The following PLB1 variants were observed in gnomAD, a reference collection of about 807,000 sequenced individuals.
PLB1 encodes phospholipase B1, membrane-associated.
In PLB1, 242 loss-of-function variants were observed where a neutral mutation model predicts 227.4. That is an observed-to-expected ratio of 1.06 (90% CI 0.96 to 1.18). The LOEUF (loss-of-function observed/expected upper bound fraction) is 1.18, where lower values mean the gene tolerates loss of function less well. Among genes scored for constraint, PLB1 ranks in the 50% most tolerant of loss-of-function variants. The probability of loss-of-function intolerance (pLI) is 0.00; values close to 1 mark genes in which losing one functional copy is unlikely to be tolerated. For missense variants in PLB1, 1,858 were observed against 1,816.3 expected (o/e 1.02, Z -0.42); for synonymous variants, 757 against 682.2 (o/e 1.11, Z -1.71).
intron 50 of PLB1, 31 bp from the exon 51 acceptor site, chr2:28,626,397 G>A (rs754170549): frequency 1.7e-5 from 27 of 1,596,828 alleles, no homozygotes; most frequent in Non-Finnish European, 2.2e-5. Flanking sequence ...CTCCCACCAA[G>A]GCCTAAACTC....
intron 22 of PLB1, 146 bp from the exon 23 acceptor site, chr2:28,579,481 C>T (rs1679547511): frequency 3.4e-6 from 2 of 590,074 alleles, no homozygotes; most frequent in Non-Finnish European, 6.2e-6. Context: ...ATCTCAGGAC[C>T]CTAAAAGCAA....
rs935150011 is a variant in PLB1, at chr2:28,564,312, G to A, written c.1207-968G>A. On this transcript the variant is annotated intron_variant, in intron 18 of 57. Coordinates refer to ENST00000327757, the MANE Select transcript of PLB1 (RefSeq NM_153021.5). ...AAGGTCACACAGCTTGTAAGTGCTC[G>A]AGCCAGGATCACAAATCAGGGATCC... Among the ~76,000 whole-genome samples the A allele has an allele frequency of 7.2e-5, 11 of 152,270 alleles. No individual in the cohort carries two copies. The East Asian group carries it at 9.7e-4, about 13-fold the overall frequency.
intron 4 of PLB1, among the ~76,000 whole-genome samples, chr2:28,523,403 A>G (rs1057087964): frequency 6.7e-6 from 1 of 148,948 alleles, no homozygotes; most frequent in Non-Finnish European, 1.5e-5. Context: ...GGAGGTTACA[A>G]TTCACTCTAT....
chr2:28,546,881 A>G (rs1377661632), intron 14 of PLB1, among the ~76,000 whole-genome samples: 1 of 152,120 alleles, frequency 6.6e-6, no homozygotes, highest in East Asian at 1.9e-4. Context: ...TTCTTTCCAG[A>G]TTCCATTATG....
In PLB1 at chr2:28,585,940, T is replaced by C; in HGVS notation, c.1815+98T>C. 3.6e-6 allele frequency: 4 copies of C among 1,100,054 alleles called. No individual in the cohort carries two copies. The South Asian group carries it at 5.1e-5, about 14-fold the overall frequency. The allele number at this position is 1,100,054 out of a possible 1,614,324, so 68.1% of individuals were successfully genotyped here. On this transcript the variant is annotated intron_variant, in intron 26 of 57. Transcript: ENST00000327757. ...CAGTGCTTAGGTAATTTTGACCCTG[T>C]GTGGGGGATGACCACTGACTAGTTT...
chr2:28,579,700 A>G lies in PLB1; in HGVS notation c.1559A>G (p.Asn520Ser), dbSNP rs754696755. ...IGGNDLCDFC[N>S]DLVHYSPQNF... ...GGCAATGACCTCTGTGATTTCTGCA[A>G]TGATCTGGTAGGTCTCCAGGCACTT... Residue 520 changes from asparagine (N) to serine (S), a missense_variant, in exon 23 of 58, where the codon AAT becomes AGT. Transcript: ENST00000327757. 7.4e-6 allele frequency: 12 copies of G among 1,612,032 alleles called. No individual in the cohort carries two copies. Among genetic ancestry groups the G allele is most frequent in the Admixed American group, 1.7e-5 (1 of 59,978 alleles).
chr2:28,617,727 A>G lies in PLB1; in HGVS notation c.3196A>G (p.Asn1066Asp). The change falls in exon 45 of 58, where the codon AAC becomes GAC. Residue 1066 changes from asparagine to aspartate, a missense_variant and splice_region_variant. Transcript: ENST00000327757. ...TGAATCTTTTCTCCTGTTGATTTAG[A>G]ACTGGGGCAGTGACTTCCTGTGTAC... ...YTYPIKPAIE[N>D]WGSDFLCTEW... is the part of the protein sequence containing the mutation. 6.2e-7 allele frequency: 1 copy of G among 1,614,082 alleles called. No individual in the cohort carries two copies. The highest frequency in any genetic ancestry group is 8.5e-7 in the Non-Finnish European group (1 of 1,179,942).
chr2:28,538,692 C>T (rs1372824308), intron 10 of PLB1, among the ~76,000 whole-genome samples: 1 of 152,158 alleles, frequency 6.6e-6, no homozygotes, highest in Non-Finnish European at 1.5e-5. Context: ...GCCTGAGGAC[C>T]TTCAAGACCT....
At chr2:28,605,566 C>A (rs1684553004) in intron 41 of PLB1, among the ~76,000 whole-genome samples, 1 of 152,162 alleles carries the variant, frequency 6.6e-6, no homozygotes, top group African/African-American at 2.4e-5. Flanking sequence ...TGTGGCATGG[C>A]CTCGGGCATT....
Position 28,642,892 on chromosome 2 carries a change from G to A in PLB1, c.4208G>A (p.Arg1403Gln), listed in dbSNP as rs761462798. 1.6e-5 allele frequency: 25 copies of A among 1,607,298 alleles called. No individual in the cohort carries two copies. The African/African-American group carries it at 1.6e-4, about 10-fold the overall frequency. Reference sequence around the variant, plus strand: ...TACCTCTACACCCTGCGGAACAGCCGATTGCTCCCAGACCAGGCTGAAGAA... The same window carrying A: ...TACCTCTACACCCTGCGGAACAGCCAATTGCTCCCAGACCAGGCTGAAGAA... ...SPYLYTLRNS[R>Q]LLPDQAEEAP... is the part of the protein sequence containing the mutation. Residue 1403 changes from arginine to glutamine, a missense_variant, in exon 58 of 58, where the codon CGA becomes CAA. By Grantham distance (43) the Arg-to-Gln change is conservative. Coordinates refer to ENST00000327757, the MANE Select transcript of PLB1 (RefSeq NM_153021.5).
rs775788827 is a variant in PLB1, at chr2:28,593,719, C to T, written c.2286C>T (p.Pro762=). 5 of 1,614,110 alleles carry T rather than the reference C, an allele frequency of 3.1e-6. No individual in the cohort carries two copies. The highest frequency in any genetic ancestry group is 2.2e-5 in the East Asian group (1 of 44,878). The change falls in exon 33 of 58, where the codon CCC becomes CCT. Residue 762 remains proline, a synonymous_variant. Coordinates refer to ENST00000327757, the MANE Select transcript of PLB1 (RefSeq NM_153021.5). The stretch of plus-strand genomic sequence containing the variant: ...TTGGCTCCAAACCAGACGACCTCCC[C>T]GATGTCACCACACAGTATCGGGGAC... ...NGIGSKPDDL[P]DVTTQYRGLS... is the part of the protein sequence containing the mutation.
chr2:28,525,161 CCT>C, intron 4 of PLB1, 104 bp from the exon 5 acceptor site: 1 of 1,028,822 alleles, frequency 9.7e-7, no homozygotes, highest in South Asian at 1.4e-5. Context: ...TTGTAGGTTC[CCT>C]CTTACTGGCA....
intron 38 of PLB1, among the ~76,000 whole-genome samples, chr2:28,602,351 C>A (rs1684048900): frequency 6.6e-6 from 1 of 152,232 alleles, no homozygotes; most frequent in African/African-American, 2.4e-5. Flanking sequence ...CACCCAGCAG[C>A]ACATTCCCCC....
At chr2:28,620,574 TAACA>T (rs1686896185) in intron 47 of PLB1, 22 bp from the exon 48 acceptor site, 1 of 1,604,288 alleles carries the variant, frequency 6.2e-7, no homozygotes, top group East Asian at 2.2e-5. Context: ...GGTGTGAGTT[TAACA>T]AATATGCTTT....
At chr2:28,557,617 G>A (rs1675344508) in intron 17 of PLB1, among the ~76,000 whole-genome samples, 1 of 152,170 alleles carries the variant, frequency 6.6e-6, no homozygotes, top group Admixed American at 6.5e-5. Flanking sequence ...TATTTGTGAT[G>A]CTTCGTCATG....
intron 1 of PLB1, among the ~76,000 whole-genome samples, chr2:28,508,408 G>A (rs1449077280): frequency 4.6e-5 from 7 of 152,274 alleles, no homozygotes; most frequent in East Asian, 3.9e-4. Flanking sequence ...GCACCACACT[G>A]ACAGGACGCT....
chr2:28,573,332 A>G (rs1678344418), intron 21 of PLB1, 27 bp downstream of exon 21: 3 of 1,547,242 alleles, frequency 1.9e-6, no homozygotes, highest in South Asian at 1.1e-5. Context: ...GGGGCGGTGA[A>G]CAGCACAGGT....
intron 25 of PLB1, among the ~76,000 whole-genome samples, chr2:28,583,615 T>G (rs955384703): frequency 6.6e-6 from 1 of 152,136 alleles, no homozygotes; most frequent in Non-Finnish European, 1.5e-5. Context: ...CCAAAAAGCC[T>G]CCTTCAGCTG....
At position 28,640,944 on chromosome 2, in the gene PLB1, C is replaced by A; in HGVS notation, c.4116C>A (p.Arg1372=). ...CTCTCCAGCTGGAACCAGTGGGCCG[C>A]AAGACTACCTCCAACAACTTCACCC... The part of the protein sequence containing the change: ...LWNNMLEPVG[R]KTTSNNFTHS... The change falls in exon 57 of 58, where the codon CGC becomes CGA. Residue 1372 remains arginine, a synonymous_variant. Coordinates refer to ENST00000327757, the MANE Select transcript of PLB1 (RefSeq NM_153021.5). 1 of 1,613,832 alleles carries A rather than the reference C, an allele frequency of 6.2e-7. No homozygotes were observed. Among genetic ancestry groups the A allele is most frequent in the Non-Finnish European group, 8.5e-7 (1 of 1,179,862 alleles).
Sources: allele counts gnomAD v4.1 joint callset (sites outside exome capture counted in the v4.1 genomes callset), GRCh38; gene constraint gnomAD v4.1.1; transcripts MANE v1.5; gene names NCBI Gene and HGNC (gene_info 2026-07-23, HGNC 2026-07-21).